ITPKB: variants seen among roughly 807,000 people sequenced by gnomAD.
ITPKB encodes the protein inositol-trisphosphate 3-kinase B.
Under a neutral mutation model 69.4 loss-of-function variants are expected in ITPKB, and 13 were observed. The observed-to-expected ratio is 0.19, with a 90% CI of 0.12 to 0.30. The LOEUF (loss-of-function observed/expected upper bound fraction) is 0.30. Among genes scored for constraint, ITPKB ranks in the 10% least tolerant of loss-of-function variants. The pLI, the probability that ITPKB is intolerant of heterozygous loss-of-function variation, is 1.00. For synonymous variants in ITPKB, 584 were observed against 513.7 expected (o/e 1.14, Z -1.85); for missense variants, 1,240 against 1,250.5 (o/e 0.99, Z 0.13).
Position 226,736,257 on chromosome 1 carries a change from T to G in ITPKB, c.1202A>C (p.Gln401Pro), listed in dbSNP as rs1025495031. Reference sequence around the variant, plus strand: ...CAGGGAATCAGAGGACTCTGCGCTTTGCACGCTCACAGTCGTCTCCTCTGG... The same window carrying G: ...CAGGGAATCAGAGGACTCTGCGCTTGGCACGCTCACAGTCGTCTCCTCTGG... ...KRPEETTVSV[Q>P]SAESSDSLSW... is the part of the protein sequence containing the mutation. The change falls in exon 2 of 8, where the codon CAA becomes CCA. Residue 401 changes from glutamine (Q) to proline (P), a missense_variant. Around this residue, in one of 2 missense-constraint regions of ITPKB, gnomAD observed 992 missense variants for 853.8 expected, o/e 1.16. Coordinates refer to ENST00000429204, the MANE Select transcript of ITPKB (RefSeq NM_002221.4). 1.9e-6 allele frequency: 3 copies of G among 1,568,914 alleles called. No homozygotes were observed. The African/African-American group carries it at 4.1e-5, about 21-fold the overall frequency.
At position 226,634,928 on chromosome 1, in the gene ITPKB, C is replaced by A. The variant is rs1234647014; in HGVS notation, c.2626-42G>T. The A allele has an allele frequency of 4.0e-6, 6 of 1,514,656 alleles. No homozygotes were observed. In the Admixed American group the frequency reaches 7.2e-5, roughly 18 times the overall value. 93.8% of individuals were successfully genotyped at this position (1,514,656 alleles called of 1,614,324 possible). A position where few individuals can be genotyped will look rare whatever the true frequency, so the allele number is the denominator to read the frequency against. ...GGTGAAGGGTGAGCTGAAGCCCGGG[C>A]CTCGCCCTCCCCACTGCGGCCCGGG... On this transcript the variant is annotated intron_variant, in intron 7 of 7. Transcript: ENST00000429204. This position sits in a 1 kb window ranked among gnomAD's most constrained non-coding sequence, Gnocchi z 6.3.
Position 226,636,787 on chromosome 1 carries a change from TGTGTGTGA to T in ITPKB, c.2625+884_2625+891del, listed in dbSNP as rs1463463503. ...GTGTGTGTGTGTGTGTGTGTGTGTGTGTGTGTGAGACTGGGAAAGGCATGCATGTTTGT... is the reference window on the plus strand; with the variant it reads ...GTGTGTGTGTGTGTGTGTGTGTGTGTGACTGGGAAAGGCATGCATGTTTGT... On this transcript the variant is annotated intron_variant, in intron 7 of 7. Transcript: ENST00000429204. Among the ~76,000 whole-genome samples, 1,458 of 148,204 alleles carry T rather than the reference TGTGTGTGA, an allele frequency of 9.8e-3. 30 individuals carry two copies. Among genetic ancestry groups the T allele is most frequent in the East Asian group, 0.053 (262 of 4,964 alleles).
chr1:226,647,090 C>A, intron 4 of ITPKB, 77 bp downstream of exon 4: 4 of 1,370,748 alleles, frequency 2.9e-6, no homozygotes, highest in Non-Finnish European at 3.1e-6. Flanking sequence ...CTCCGGGAAG[C>A]CCTGAGTGCC....
intron 2 of ITPKB, chr1:226,668,968 C>T (rs1409080552): frequency 1.3e-5 from 2 of 152,194 alleles, no homozygotes; most frequent in Non-Finnish European, 2.9e-5. Flanking sequence ...TCCCTGCCCC[C>T]CTTTTTTTAT....
At chr1:226,730,855 ACT>A (rs1309275150) in intron 2 of ITPKB, among the ~76,000 whole-genome samples, 3 of 152,212 alleles carry the variant, frequency 2.0e-5, no homozygotes, top group African/African-American at 4.8e-5. Context: ...CAGAAAAGTG[ACT>A]CTGTAGCAAT....
At chr1:226,691,301 A>T (rs1453506335) in intron 2 of ITPKB, among the ~76,000 whole-genome samples, 1 of 152,060 alleles carries the variant, frequency 6.6e-6, no homozygotes, top group African/African-American at 2.4e-5. Flanking sequence ...TTCCTCAAAC[A>T]AACTCTGGGC....
At position 226,736,880 on chromosome 1, in the gene ITPKB, C is replaced by T. The variant is rs1446657295; in HGVS notation, c.579G>A (p.Gln193=). Reference sequence around the variant, plus strand: ...TCCTCCGTTCCTCGCTCCGGGCGCCCTGAACCAGGACCCTTCCAGGGGGCT... The same window carrying T: ...TCCTCCGTTCCTCGCTCCGGGCGCCTTGAACCAGGACCCTTCCAGGGGGCT... The part of the protein sequence containing the change: ...SSQPPGRVLV[Q]GARSEERRTK... Residue 193 remains glutamine, a synonymous_variant, in exon 2 of 8, where the codon CAG becomes CAA. Coordinates refer to ENST00000429204, the MANE Select transcript of ITPKB (RefSeq NM_002221.4). 6.2e-7 allele frequency: 1 copy of T among 1,610,794 alleles called. No individual in the cohort carries two copies. The highest frequency in any genetic ancestry group is 8.5e-7 in the Non-Finnish European group (1 of 1,180,018).
At chr1:226,682,165 C>T (rs900599494) in intron 2 of ITPKB, among the ~76,000 whole-genome samples, 1 of 147,462 alleles carries the variant, frequency 6.8e-6, no homozygotes, top group Non-Finnish European at 1.5e-5. Flanking sequence ...TTGCCTGGGT[C>T]CCCCCCCGCC....
At chr1:226,681,125 T>G (rs1656083408) in intron 2 of ITPKB, among the ~76,000 whole-genome samples, 1 of 152,178 alleles carries the variant, frequency 6.6e-6, no homozygotes, top group African/African-American at 2.4e-5. Context: ...CACCTGCCTC[T>G]TCTCACCATG....
intron 2 of ITPKB, among the ~76,000 whole-genome samples, chr1:226,665,922 A>G (rs1669495037): frequency 6.6e-6 from 1 of 152,182 alleles, no homozygotes; most frequent in Admixed American, 6.5e-5. Flanking sequence ...ATGAAACTCA[A>G]CACTCAAAAT....
intron 2 of ITPKB, among the ~76,000 whole-genome samples, chr1:226,690,189 C>T (rs1656314811): frequency 6.6e-6 from 1 of 152,168 alleles, no homozygotes; most frequent in Admixed American, 6.6e-5. Flanking sequence ...TGAGGAATCG[C>T]CACAGTCTTC....
intron 2 of ITPKB, among the ~76,000 whole-genome samples, chr1:226,663,217 T>A (rs553517832): frequency 6.6e-6 from 1 of 152,196 alleles, no homozygotes; most frequent in Non-Finnish European, 1.5e-5. Flanking sequence ...GCCCTGCTAG[T>A]GGCAGTGGGT....
intron 2 of ITPKB, among the ~76,000 whole-genome samples, chr1:226,708,757 C>T (rs908381488): frequency 2.6e-5 from 4 of 152,218 alleles, no homozygotes; most frequent in Admixed American, 6.5e-5. Context: ...CTGGGACTTA[C>T]TGATCAAGGT....
intron 6 of ITPKB, among the ~76,000 whole-genome samples, chr1:226,638,164 C>T (rs1455299894): frequency 6.6e-6 from 1 of 152,220 alleles, no homozygotes; most frequent in African/African-American, 2.4e-5. Flanking sequence ...GCTGGCCGGG[C>T]CAGCCGAGCA....
intron 2 of ITPKB, among the ~76,000 whole-genome samples, chr1:226,693,808 G>A (rs894917401): frequency 6.6e-6 from 1 of 152,092 alleles, no homozygotes; most frequent in African/African-American, 2.4e-5. Flanking sequence ...CCCCTTTCCT[G>A]GATAACTCAA....
At chr1:226,636,791 T>A (rs1004385522) in intron 7 of ITPKB, among the ~76,000 whole-genome samples, 2 of 142,408 alleles carry the variant, frequency 1.4e-5, no homozygotes, top group Non-Finnish European at 3.0e-5. Context: ...TGTGTGTGTG[T>A]GTGAGACTGG....
intron 2 of ITPKB, among the ~76,000 whole-genome samples, chr1:226,660,413 T>C (rs1252363783): frequency 1.3e-5 from 2 of 152,186 alleles, no homozygotes; most frequent in Non-Finnish European, 2.9e-5. Context: ...CTTTTTTTGG[T>C]TACTCAAGAA....
chr1:226,707,128 G>A, intron 2 of ITPKB: 1 of 832,114 alleles, frequency 1.2e-6, no homozygotes. Flanking sequence ...GGAAATAAAG[G>A]GACCTAGTAG....
At chr1:226,726,114 C>A (rs1428327955) in intron 2 of ITPKB, among the ~76,000 whole-genome samples, 1 of 152,100 alleles carries the variant, frequency 6.6e-6, no homozygotes, top group Non-Finnish European at 1.5e-5. Flanking sequence ...TCACAAAGAC[C>A]ACATGAGGTA....
Sources: allele counts gnomAD v4.1 joint callset (sites outside exome capture counted in the v4.1 genomes callset), GRCh38; gene constraint gnomAD v4.1.1; regional missense constraint gnomAD v4.1.1; non-coding constraint Gnocchi (gnomAD v3.1); transcripts MANE v1.5; gene names NCBI Gene and HGNC (gene_info 2026-07-23, HGNC 2026-07-21).